Variants in SH3BGRL2 observed in about 807,000 individuals in gnomAD.
SH3BGRL2 encodes the protein SH3 domain binding glutamate rich protein like 2.
Under a neutral mutation model 14.8 loss-of-function variants are expected in SH3BGRL2, and 21 were observed. The ratio of observed to expected loss-of-function variants is 1.42; its 90% CI spans 1.01 to 2.05. The LOEUF (loss-of-function observed/expected upper bound fraction) is 2.05, where lower values mean the gene tolerates loss of function less well. Among genes scored for constraint, SH3BGRL2 ranks in the 30% most tolerant of loss-of-function variants. The pLI, the probability that SH3BGRL2 is intolerant of heterozygous loss-of-function variation, is 0.00. For synonymous variants in SH3BGRL2, 50 were observed against 47.8 expected, an observed-to-expected ratio of 1.05 and a Z score of -0.19; for missense variants, 147 against 130.8, an observed-to-expected ratio of 1.12 and a Z score of -0.61.
At chr6:79,627,198 T>C (rs1246067386), upstream of SH3BGRL2, among the ~76,000 whole-genome samples, 1 of 152,202 alleles carries the variant, frequency 6.6e-6, no homozygotes. Flanking sequence ...CTTTATTCTA[T>C]TGCTAACTGC....
chr6:79,565,213 C>G, the SH3BGRL2 span, among the ~76,000 whole-genome samples: 1 of 152,154 alleles, frequency 6.6e-6, no homozygotes, highest in Non-Finnish European at 1.5e-5. Context: ...AATCTCCATT[C>G]TCTTGGGATT....
chr6:79,698,178 T>C (rs1186523937), intron 3 of SH3BGRL2, among the ~76,000 whole-genome samples: 1 of 152,172 alleles, frequency 6.6e-6, no homozygotes, highest in Non-Finnish European at 1.5e-5. Flanking sequence ...CAGGAGTATC[T>C]GGGACCAGAG....
At chr6:79,665,776 G>GTAC (rs1365221721) in intron 1 of SH3BGRL2, among the ~76,000 whole-genome samples, 3 of 152,176 alleles carry the variant, frequency 2.0e-5, no homozygotes, top group Non-Finnish European at 4.4e-5. Flanking sequence ...TTTATAACAT[G>GTAC]TACTAACAGT....
chr6:79,623,543 T>C, the SH3BGRL2 span, among the ~76,000 whole-genome samples: 1 of 152,214 alleles, frequency 6.6e-6, no homozygotes, highest in Non-Finnish European at 1.5e-5. Context: ...AAGACTGTCA[T>C]TGCAGTACAG....
At chr6:79,583,407 A>G in the SH3BGRL2 span, among the ~76,000 whole-genome samples, 1 of 152,238 alleles carries the variant, frequency 6.6e-6, no homozygotes, top group East Asian at 1.9e-4. Flanking sequence ...GATAGACTGG[A>G]TAAAGAAAAT....
the SH3BGRL2 span, among the ~76,000 whole-genome samples, chr6:79,607,473 T>A: frequency 1.3e-5 from 2 of 152,172 alleles, no homozygotes; most frequent in African/African-American, 2.4e-5. Context: ...CCTACAGTCC[T>A]ATTGCGTACT....
the SH3BGRL2 span, among the ~76,000 whole-genome samples, chr6:79,616,466 C>T: frequency 1.3e-5 from 2 of 152,006 alleles, no homozygotes; most frequent in African/African-American, 4.8e-5. Flanking sequence ...ATTGGCAGTT[C>T]TGTTCCTGGC....
At chr6:79,696,734 A>G (rs1280087905) in intron 3 of SH3BGRL2, among the ~76,000 whole-genome samples, 169 bp downstream of exon 3, 1 of 152,122 alleles carries the variant, frequency 6.6e-6, no homozygotes, top group Non-Finnish European at 1.5e-5. Context: ...CATACAACAG[A>G]GGCTAGTTTT....
chr6:79,658,392 G>A (rs986448770), intron 1 of SH3BGRL2, among the ~76,000 whole-genome samples: 9 of 152,170 alleles, frequency 5.9e-5, no homozygotes, highest in Non-Finnish European at 1.0e-4. Context: ...AACATGCGTT[G>A]TTTGGTTTTC....
At chr6:79,588,016 G>A in the SH3BGRL2 span, among the ~76,000 whole-genome samples, 8 of 151,466 alleles carry the variant, frequency 5.3e-5, no homozygotes, top group Non-Finnish European at 8.9e-5. Flanking sequence ...TCTACTGGCC[G>A]GGTGCGGTGG....
chr6:79,631,484 C>A lies in SH3BGRL2; in HGVS notation c.23C>A (p.Ala8Asp). 6.7e-7 allele frequency: 1 copy of A among 1,500,122 alleles called. No homozygotes were observed. The highest frequency in any genetic ancestry group is 8.9e-7 in the Non-Finnish European group (1 of 1,121,730). The allele number at this position is 1,500,122 out of a possible 1,614,324, so 92.9% of individuals were successfully genotyped here. The change falls in exon 1 of 4, where the codon GCC becomes GAC. Residue 8 changes from alanine (A) to aspartate (D), a missense_variant. By Grantham distance (126) the Ala-to-Asp change is moderately radical. Coordinates refer to ENST00000369838, the MANE Select transcript of SH3BGRL2 (RefSeq NM_031469.4). MVIRVFI[A>D]SSSGFVAIKK... is the part of the protein sequence containing the mutation. ...AGGATGGTCATCCGCGTGTTCATCGCCTCTTCCTCGGGCTTCGTGGCGGTG... is the reference window on the plus strand; with the variant it reads ...AGGATGGTCATCCGCGTGTTCATCGACTCTTCCTCGGGCTTCGTGGCGGTG...
the SH3BGRL2 span, among the ~76,000 whole-genome samples, chr6:79,566,168 C>G: frequency 1.3e-5 from 2 of 152,132 alleles, no homozygotes; most frequent in Non-Finnish European, 2.9e-5. Context: ...ACATTCTTCT[C>G]CCTTAGAATA....
chr6:79,625,318 G>C, the SH3BGRL2 span, among the ~76,000 whole-genome samples: 1 of 151,588 alleles, frequency 6.6e-6, no homozygotes, highest in Non-Finnish European at 1.5e-5. Context: ...TTTAATTGAG[G>C]GATTGGTTAG....
chr6:79,631,532 G>T, intron 1 of SH3BGRL2, 26 bp downstream of exon 1: 1 of 1,420,516 alleles, frequency 7.0e-7, no homozygotes, highest in Non-Finnish European at 9.3e-7. Flanking sequence ...GCGGGCAGTA[G>T]GTTGGGGTCG....
intron 2 of SH3BGRL2, among the ~76,000 whole-genome samples, chr6:79,677,613 T>C (rs992609294): frequency 6.6e-6 from 1 of 152,160 alleles, no homozygotes; most frequent in African/African-American, 2.4e-5. Flanking sequence ...ATGAGTGTAT[T>C]CTTGGCTACC....
chr6:79,703,399 T>G lies in SH3BGRL2; in HGVS notation c.*3890T>G, dbSNP rs1582746263. On this transcript the variant is annotated 3_prime_UTR_variant, in exon 4 of 4. Transcript: ENST00000369838. ...TCATACATGCAATGGAATATAGATA[T>G]GTATATACACATATAATATATATGC... The G allele has an allele frequency of 6.6e-6, 1 of 152,182 alleles. No homozygotes were observed. Among genetic ancestry groups the G allele is most frequent in the South Asian group, 2.1e-4 (1 of 4,824 alleles). 9.4% of individuals were successfully genotyped at this position (152,182 alleles called of 1,614,324 possible).
the SH3BGRL2 span, among the ~76,000 whole-genome samples, chr6:79,556,462 T>C: frequency 2.0e-5 from 3 of 152,030 alleles, no homozygotes; most frequent in African/African-American, 7.2e-5. Context: ...TCAAAGCAGA[T>C]CCCTCTTTTA....
chr6:79,669,961 T>C (rs1280558569), intron 1 of SH3BGRL2, among the ~76,000 whole-genome samples: 1 of 152,082 alleles, frequency 6.6e-6, no homozygotes, highest in Non-Finnish European at 1.5e-5. Context: ...AGCTCAAAGG[T>C]TGACAAGCCT....
chr6:79,645,991 A>G (rs1400990043), intron 1 of SH3BGRL2, among the ~76,000 whole-genome samples: 2 of 152,202 alleles, frequency 1.3e-5, no homozygotes, highest in African/African-American at 4.8e-5. Flanking sequence ...ACCCTAAACC[A>G]GGGTTTGTCA....
Sources: gnomAD v4.1 joint callset for allele counts (sites outside exome capture counted in the v4.1 genomes callset) on GRCh38, gnomAD v4.1.1 for gene constraint, MANE v1.5 for transcripts, NCBI Gene and HGNC (gene_info 2026-07-23, HGNC 2026-07-21) for gene names.